FAIM2: variants seen among roughly 807,000 people sequenced by gnomAD.
The protein encoded by FAIM2 is protein lifeguard 2.
In FAIM2, 27 loss-of-function variants were observed where a neutral mutation model predicts 47.4. The ratio of observed to expected loss-of-function variants is 0.57; its 90% confidence interval spans 0.42 to 0.78. The LOEUF is 0.78. Ranked by LOEUF, FAIM2 falls within the 30% of genes least tolerant of loss-of-function variation. The pLI, the probability that FAIM2 is intolerant of heterozygous loss-of-function variation, is 0.00. For synonymous variants in FAIM2, 156 were observed against 159.3 expected, an observed-to-expected ratio of 0.98 and a Z score of 0.16; for missense variants, 311 against 389.4, an observed-to-expected ratio of 0.80 and a Z score of 1.69.
At chr12:49,883,943 C>T (rs555862132) in intron 11 of FAIM2, among the ~76,000 whole-genome samples, 4 of 152,232 alleles carry the variant, frequency 2.6e-5, no homozygotes, top group African/African-American at 7.2e-5. Context: ...AGGGAATGGT[C>T]GGGCGCTATG....
intron 11 of FAIM2, among the ~76,000 whole-genome samples, chr12:49,877,996 GTGTGCA>G (rs1381972209): frequency 6.6e-6 from 1 of 151,274 alleles, no homozygotes; most frequent in Non-Finnish European, 1.5e-5. Flanking sequence ...TTATGTGTAT[GTGTGCA>G]TGTGCATGTG....
At chr12:49,880,591 CATGTGT>C (rs1338636501) in intron 11 of FAIM2, among the ~76,000 whole-genome samples, 34 of 130,302 alleles carry the variant, frequency 2.6e-4, no homozygotes, top group South Asian at 5.2e-4. Flanking sequence ...TGTATATGTG[CATGTGT>C]ATGTGTGTGC....
intron 11 of FAIM2, among the ~76,000 whole-genome samples, chr12:49,880,328 CTG>C (rs142551176): frequency 4.0e-4 from 55 of 138,614 alleles, no homozygotes; most frequent in East Asian, 3.9e-3. Context: ...GTATGTGTGT[CTG>C]TGTGCATGTT....
Position 49,903,771 on chromosome 12 carries a change from C to T in FAIM2, c.15+7G>A. On this transcript the variant is annotated splice_region_variant and intron_variant, in intron 1 of 11. Coordinates refer to ENST00000320634, the MANE Select transcript of FAIM2 (RefSeq NM_012306.4). ...GAGGATGGTGCAGGCTGGGGAGATG[C>T]CGGTACCTTTCCCTGGGTCATGGTG... is the stretch of plus-strand genomic sequence containing the variant. The T allele has an allele frequency of 6.5e-7, 1 of 1,549,022 alleles. No individual in the cohort carries two copies. Among genetic ancestry groups the T allele is most frequent in the Non-Finnish European group, 8.7e-7 (1 of 1,145,906 alleles).
At chr12:49,873,053 G>A (rs904355900) in intron 11 of FAIM2, among the ~76,000 whole-genome samples, 4 of 152,162 alleles carry the variant, frequency 2.6e-5, no homozygotes, top group African/African-American at 9.7e-5. Flanking sequence ...ACTGTTCCTT[G>A]GGGAGCTGAG....
At chr12:49,891,168 C>A in intron 5 of FAIM2, 54 bp from the exon 6 acceptor site, 2 of 1,540,476 alleles carry the variant, frequency 1.3e-6, no homozygotes, top group South Asian at 1.1e-5. Flanking sequence ...GGTCCCTCCC[C>A]CAAGATCCCC....
chr12:49,889,352 C>T, intron 9 of FAIM2, 129 bp downstream of exon 9: 1 of 1,027,710 alleles, frequency 9.7e-7, no homozygotes, highest in Non-Finnish European at 1.5e-6. Flanking sequence ...AGGTGGCTTC[C>T]CCAAACCCAA....
At chr12:49,881,182 C>A (rs1165505750) in intron 11 of FAIM2, among the ~76,000 whole-genome samples, 1 of 152,150 alleles carries the variant, frequency 6.6e-6, no homozygotes, top group Non-Finnish European at 1.5e-5. Flanking sequence ...CCTGCCCCCA[C>A]CCACCCCGGC....
At chr12:49,890,194 G>C (rs1208522103) in intron 7 of FAIM2, 40 bp from the exon 8 acceptor site, 1 of 1,608,506 alleles carries the variant, frequency 6.2e-7, no homozygotes, top group Non-Finnish European at 8.5e-7. Context: ...TCCAAACTCA[G>C]ACGCAGGGGC....
chr12:49,887,576 C>G, intron 10 of FAIM2, 137 bp from the exon 11 acceptor site: 1 of 735,924 alleles, frequency 1.4e-6, no homozygotes, highest in Non-Finnish European at 2.3e-6. Flanking sequence ...CCAGGACTGA[C>G]AGTGGCCCCT....
At chr12:49,897,771 C>G (rs149721225) in intron 3 of FAIM2, among the ~76,000 whole-genome samples, 188 bp from the exon 4 acceptor site, 111 of 152,164 alleles carry the variant, frequency 7.3e-4, no homozygotes, top group Admixed American at 4.3e-3. Context: ...CGCACCCCCC[C>G]CCAGCATTGG....
rs539209234 is a variant in FAIM2, at chr12:49,879,100, GTGTA to G, written c.801+8282_801+8285del. On this transcript the variant is annotated intron_variant, in intron 11 of 11. Transcript: ENST00000320634. ...TGTGTATGTGTCTGTGTGCATGTGA[GTGTA>G]TGTATGTGCATGTGTATATGTGCAT... Among the ~76,000 whole-genome samples the G allele has an allele frequency of 5.2e-4, 71 of 137,282 alleles. 10 individuals carry two copies. The highest frequency in any genetic ancestry group is 2.2e-3 in the East Asian group (9 of 4,112). 90.1% of individuals were successfully genotyped at this position (137,282 alleles called of 152,430 possible). A position where few individuals can be genotyped will look rare whatever the true frequency, so the allele number is the denominator to read the frequency against.
chr12:49,876,256 C>A (rs1242926042), intron 11 of FAIM2, among the ~76,000 whole-genome samples: 1 of 152,138 alleles, frequency 6.6e-6, no homozygotes, highest in Non-Finnish European at 1.5e-5. Context: ...AGCACAGCCA[C>A]CTATGAGGAA....
chr12:49,889,281 C>T (rs1946883035), intron 9 of FAIM2, 79 bp from the exon 10 acceptor site: 3 of 1,140,324 alleles, frequency 2.6e-6, no homozygotes, highest in Non-Finnish European at 3.9e-6. Flanking sequence ...GCCCATACAG[C>T]AGGCCACAGT....
chr12:49,871,446 C>T (rs1320780552), intron 11 of FAIM2, among the ~76,000 whole-genome samples: 1 of 152,094 alleles, frequency 6.6e-6, no homozygotes, highest in Admixed American at 6.6e-5. Flanking sequence ...CACCCCCCTG[C>T]CCCTGCCAGG....
chr12:49,889,855 G>T (rs528385393), intron 8 of FAIM2, among the ~76,000 whole-genome samples: 1 of 152,132 alleles, frequency 6.6e-6, no homozygotes, highest in Non-Finnish European at 1.5e-5. Flanking sequence ...GTAACTGCAG[G>T]TCATGAGTCT....
At chr12:49,875,788 A>G (rs1252961267) in intron 11 of FAIM2, among the ~76,000 whole-genome samples, 1 of 152,170 alleles carries the variant, frequency 6.6e-6, no homozygotes, top group African/African-American at 2.4e-5. Context: ...CAGCCTGGCC[A>G]ACACGATGAA....
intron 5 of FAIM2, among the ~76,000 whole-genome samples, chr12:49,893,105 G>A (rs1209573845): frequency 5.9e-5 from 9 of 152,148 alleles, no homozygotes; most frequent in African/African-American, 1.9e-4. Flanking sequence ...ACTGTTGCAG[G>A]AGCCCACCTG....
chr12:49,881,157 A>C (rs568197342), intron 11 of FAIM2, among the ~76,000 whole-genome samples: 1 of 152,250 alleles, frequency 6.6e-6, no homozygotes, highest in Admixed American at 6.5e-5. Context: ...TCCAGTACTG[A>C]CCATGCACAG....
Sources: allele counts gnomAD v4.1 joint callset (sites outside exome capture counted in the v4.1 genomes callset), GRCh38; gene constraint gnomAD v4.1.1; transcripts MANE v1.5; gene names NCBI Gene and HGNC (gene_info 2026-07-23, HGNC 2026-07-21).